Variants in ANKRD31 observed in about 807,000 individuals in gnomAD.
ANKRD31 encodes the protein ankyrin repeat domain 31.
ANKRD31 carries 147 observed loss-of-function variants against 186.0 expected under a neutral mutation model. The observed-to-expected ratio is 0.79, with a 90% CI of 0.69 to 0.91. The LOEUF is 0.91. ANKRD31 is among the 40% of genes least tolerant of loss of function. ANKRD31 has a pLI of 0.00. For missense variants in ANKRD31, 1,986 were observed against 2,148.8 expected (o/e 0.92, Z 1.50); for synonymous variants, 673 against 736.4 (o/e 0.91, Z 1.39).
intron 15 of ANKRD31, among the ~76,000 whole-genome samples, chr5:75,140,252 A>AG (rs1750918232): frequency 4.4e-5 from 4 of 90,052 alleles, no homozygotes; most frequent in African/African-American, 2.2e-4. Flanking sequence ...GGAAGGAAGG[A>AG]AGGAAGGAAG....
intron 10 of ANKRD31, among the ~76,000 whole-genome samples, chr5:75,178,017 C>G (rs1753956348): frequency 6.6e-6 from 1 of 151,668 alleles, no homozygotes; most frequent in African/African-American, 2.4e-5. Flanking sequence ...CACATAGGCT[C>G]AAAATAAAGG....
intron 17 of ANKRD31, among the ~76,000 whole-genome samples, chr5:75,134,106 T>A (rs36172301): frequency 6.6e-6 from 1 of 151,830 alleles, no homozygotes; most frequent in South Asian, 2.1e-4. Context: ...TTAAAAGAAC[T>A]AGAGAAGCAA....
At chr5:75,103,652 T>C (rs930778439) in intron 22 of ANKRD31, among the ~76,000 whole-genome samples, 11 of 152,152 alleles carry the variant, frequency 7.2e-5, no homozygotes, top group East Asian at 5.8e-4. Flanking sequence ...ATATACACCA[T>C]GGAATACTAT....
At chr5:75,074,292 T>G (rs1036982373) in intron 25 of ANKRD31, among the ~76,000 whole-genome samples, 2 of 152,222 alleles carry the variant, frequency 1.3e-5, no homozygotes, top group African/African-American at 4.8e-5. Flanking sequence ...AAGATCATCC[T>G]TACAACACAC....
At position 75,175,646 on chromosome 5, in the gene ANKRD31, AACACAC is replaced by A. The variant is rs10532266; in HGVS notation, c.1565-6531_1565-6526del. 3.5e-3 allele frequency among the ~76,000 whole-genome samples: 519 copies of A among 147,606 alleles called. 3 individuals carry two copies. Among genetic ancestry groups the A allele is most frequent in the African/African-American group, 8.7e-3 (348 of 40,070 alleles). On this transcript the variant is annotated intron_variant, in intron 10 of 25. Coordinates refer to ENST00000506364, the MANE Select transcript of ANKRD31 (RefSeq NM_001372053.1). ...ACTATATGAAAATGTTACCTCAGAA[AACACAC>A]ACACACACACACACACACACACACA...
intron 18 of ANKRD31, among the ~76,000 whole-genome samples, chr5:75,117,552 C>CA (rs2150082016): frequency 6.6e-6 from 1 of 152,198 alleles, no homozygotes; most frequent in Admixed American, 6.5e-5. Flanking sequence ...GTGTGTGACA[C>CA]AATTGCTCTC....
intron 17 of ANKRD31, among the ~76,000 whole-genome samples, chr5:75,135,578 A>T (rs1403287824): frequency 1.3e-5 from 2 of 152,198 alleles, no homozygotes; most frequent in African/African-American, 4.8e-5. Flanking sequence ...TATCGTGAAA[A>T]TGGCCATACT....
At chr5:75,133,973 C>A (rs115498831) in intron 17 of ANKRD31, among the ~76,000 whole-genome samples, 501 of 152,126 alleles carry the variant, frequency 3.3e-3, no homozygotes, top group African/African-American at 0.012. Context: ...CCAACGAGAA[C>A]AGACACACTA....
At chr5:75,195,092 C>T (rs2150249184) in intron 7 of ANKRD31, among the ~76,000 whole-genome samples, 1 of 152,214 alleles carries the variant, frequency 6.6e-6, no homozygotes, top group Admixed American at 6.5e-5. Context: ...TTCTAAACCC[C>T]AAGAGCTATG....
intron 3 of ANKRD31, among the ~76,000 whole-genome samples, chr5:75,220,642 C>CAA (rs113439471): frequency 2.9e-5 from 4 of 136,630 alleles, no homozygotes; most frequent in Non-Finnish European, 3.3e-5. Context: ...AACTCCGTCT[C>CAA]AAAAAAAAAA....
At chr5:75,086,534 G>C (rs1474978791) in intron 23 of ANKRD31, among the ~76,000 whole-genome samples, 2 of 152,220 alleles carry the variant, frequency 1.3e-5, no homozygotes, top group Non-Finnish European at 2.9e-5. Flanking sequence ...GGAAGAGCTG[G>C]AGGCTAAGTT....
chr5:75,147,371 T>C lies in ANKRD31; in HGVS notation c.2040A>G (p.Glu680=), dbSNP rs1281646771. ...TGTTTTTGGGATCTTTTTGGTAATA[T>C]TCATATACATCTTCTTTATTTATAA... is the stretch of plus-strand genomic sequence containing the variant. ...SLFINKEDVY[E]YYQKDPKNTK... is the part of the protein sequence containing the mutation. The change falls in exon 14 of 26, where the codon GAA becomes GAG. Residue 680 remains glutamate (E), a synonymous_variant. Coordinates refer to ENST00000506364, the MANE Select transcript of ANKRD31 (RefSeq NM_001372053.1). 2.0e-6 allele frequency: 3 copies of C among 1,528,914 alleles called. No individual in the cohort carries two copies. The Admixed American group carries it at 6.1e-5, about 31-fold the overall frequency. The allele number at this position is 1,528,914 out of a possible 1,614,324, so 94.7% of individuals were successfully genotyped here. A position where few individuals can be genotyped will look rare whatever the true frequency, so the allele number is the denominator to read the frequency against.
rs553165392 is a variant in ANKRD31 at position 75,120,367 on chromosome 5, G to A, written c.3877-2070C>T. Among the ~76,000 whole-genome samples, 7 of 151,632 alleles carry A rather than the reference G, an allele frequency of 4.6e-5. No homozygotes were observed. The South Asian group carries it at 1.2e-3, about 27-fold the overall frequency. On this transcript the variant is annotated intron_variant, in intron 17 of 25. Transcript: ENST00000506364. ...CTGTGTGATAGTGCCACTGTACCTT[G>A]TCTCAAAAAAAAAAATTATAGTATA...
intron 23 of ANKRD31, among the ~76,000 whole-genome samples, chr5:75,086,387 A>G (rs1340325784): frequency 6.6e-6 from 1 of 152,200 alleles, no homozygotes; most frequent in Non-Finnish European, 1.5e-5. Context: ...TTTCATATTA[A>G]TGTCATGAAA....
chr5:75,095,071 A>G (rs1277706617), intron 22 of ANKRD31, among the ~76,000 whole-genome samples: 2 of 152,192 alleles, frequency 1.3e-5, no homozygotes, highest in Non-Finnish European at 2.9e-5. Context: ...AGGGAGAAAT[A>G]GTTCAACAGT....
At chr5:75,081,029 T>C (rs1745041154) in intron 24 of ANKRD31, among the ~76,000 whole-genome samples, 1 of 152,202 alleles carries the variant, frequency 6.6e-6, no homozygotes, top group South Asian at 2.1e-4. Flanking sequence ...AGAGTTTTTC[T>C]TGTAATAGGG....
At chr5:75,177,145 G>A (rs532079211) in intron 10 of ANKRD31, among the ~76,000 whole-genome samples, 8 of 152,110 alleles carry the variant, frequency 5.3e-5, no homozygotes, top group South Asian at 4.1e-4. Flanking sequence ...GATGGAAGAC[G>A]AAATGAATGA....
intron 2 of ANKRD31, among the ~76,000 whole-genome samples, chr5:75,228,517 C>T (rs1460199766): frequency 6.6e-6 from 1 of 151,052 alleles, no homozygotes; most frequent in Non-Finnish European, 1.5e-5. Flanking sequence ...AGTAAATAAA[C>T]AAAAGGTTGA....
chr5:75,137,018 TG>T (rs1196027240), intron 17 of ANKRD31, among the ~76,000 whole-genome samples: 1 of 142,698 alleles, frequency 7.0e-6, no homozygotes, highest in African/African-American at 2.6e-5. Flanking sequence ...TGTCATGGGG[TG>T]GGGGTAGGGG....
Sources: gnomAD v4.1 joint callset for allele counts (sites outside exome capture counted in the v4.1 genomes callset) on GRCh38, gnomAD v4.1.1 for gene constraint, MANE v1.5 for transcripts, NCBI Gene and HGNC (gene_info 2026-07-23, HGNC 2026-07-21) for gene names.